The following SMYD3 variants were observed in gnomAD, a reference collection of about 807,000 sequenced individuals.
The protein encoded by SMYD3 is SET and MYND domain containing 3.
In SMYD3, 36 loss-of-function variants were observed where a neutral mutation model predicts 57.7. The observed-to-expected ratio is 0.62, with a 90% confidence interval of 0.48 to 0.82. The LOEUF is 0.82. SMYD3 is among the 40% of genes least tolerant of loss of function. The pLI, the probability that SMYD3 is intolerant of heterozygous loss-of-function variation, is 0.00. For missense variants in SMYD3, 515 were observed against 538.8 expected (o/e 0.96, Z 0.44); for synonymous variants, 211 against 195.0 (o/e 1.08, Z -0.68).
At chr1:246,242,447 T>A (rs909421185) in intron 5 of SMYD3, among the ~76,000 whole-genome samples, 2 of 152,202 alleles carry the variant, frequency 1.3e-5, no homozygotes, top group African/African-American at 2.4e-5. Flanking sequence ...TGCACTATGG[T>A]CTGAGAGACA....
At chr1:246,310,661 CTTTTTTTT>C (rs386370347) in intron 5 of SMYD3, among the ~76,000 whole-genome samples, 6 of 72,222 alleles carry the variant, frequency 8.3e-5, no homozygotes, top group African/African-American at 2.3e-4. Context: ...AAGAGTAAGG[CTTTTTTTT>C]TTTTTTTTTT....
chr1:246,349,248 T>C (rs956043578), intron 2 of SMYD3, among the ~76,000 whole-genome samples: 24 of 152,248 alleles, frequency 1.6e-4, no homozygotes, highest in African/African-American at 5.5e-4. Context: ...TTCAAAAGAC[T>C]GCTAATAGCA....
At chr1:246,127,900 A>AGAAAG (rs1235450895) in intron 5 of SMYD3, among the ~76,000 whole-genome samples, 1 of 148,696 alleles carries the variant, frequency 6.7e-6, no homozygotes, top group South Asian at 2.1e-4. Context: ...TGTCTCAAAA[A>AGAAAG]GAAAAGAAAA....
At position 246,147,066 on chromosome 1, in the gene SMYD3, G is replaced by A. The variant is rs1000664847; in HGVS notation, c.531+180135C>T. Among the ~76,000 whole-genome samples the A allele has an allele frequency of 2.0e-4, 30 of 152,116 alleles. 1 individual carries two copies. The highest frequency in any genetic ancestry group is 7.2e-4 in the African/African-American group (30 of 41,408). On this transcript the variant is annotated intron_variant, in intron 5 of 11. Transcript: ENST00000490107. ...CCCCCTCGCTTCTTGCGTTGGTGGC[G>A]GAAGCACCCGGAGTATTTACAATAC...
chr1:245,953,081 T>C, intron 5 of SMYD3: 1 of 513,922 alleles, frequency 1.9e-6, no homozygotes, highest in Non-Finnish European at 2.6e-6. Flanking sequence ...CATGTGATCA[T>C]GAAATCCCCA....
At chr1:246,481,621 T>TATATATATACACAC (rs1307881494) in intron 1 of SMYD3, among the ~76,000 whole-genome samples, 9 of 98,554 alleles carry the variant, frequency 9.1e-5, no homozygotes, top group East Asian at 7.3e-4. Flanking sequence ...CATACATATA[T>TATATATATACACAC]ACATACATAC....
chr1:246,140,021 G>T (rs1181893919), intron 5 of SMYD3, among the ~76,000 whole-genome samples: 2 of 152,132 alleles, frequency 1.3e-5, no homozygotes, highest in African/African-American at 4.8e-5. Context: ...TGTATTGGTT[G>T]ATCGAAGACA....
chr1:246,457,544 A>AAAG (rs1553351027), intron 1 of SMYD3, among the ~76,000 whole-genome samples: 8 of 87,276 alleles, frequency 9.2e-5, no homozygotes, highest in Admixed American at 2.4e-4. Flanking sequence ...AAAAAAAAAA[A>AAAG]AAAAGAAAAG....
intron 5 of SMYD3, among the ~76,000 whole-genome samples, chr1:245,994,370 G>A (rs2058880509): frequency 6.6e-6 from 1 of 152,204 alleles, no homozygotes; most frequent in Non-Finnish European, 1.5e-5. Flanking sequence ...GGCGTCAGCT[G>A]AGAGGGACGC....
chr1:246,042,703 G>A (rs1288864083), intron 5 of SMYD3, among the ~76,000 whole-genome samples: 1 of 151,932 alleles, frequency 6.6e-6, no homozygotes, highest in African/African-American at 2.4e-5. Flanking sequence ...CACCCTTTTT[G>A]GTAAGTTACC....
intron 1 of SMYD3, among the ~76,000 whole-genome samples, chr1:246,369,168 G>C (rs1490475414): frequency 6.6e-6 from 1 of 152,064 alleles, no homozygotes; most frequent in Non-Finnish European, 1.5e-5. Flanking sequence ...TCACAGAAGT[G>C]CTCGGTAACT....
intron 5 of SMYD3, among the ~76,000 whole-genome samples, chr1:246,063,152 C>T (rs1364953293): frequency 1.3e-5 from 2 of 152,094 alleles, no homozygotes; most frequent in Non-Finnish European, 2.9e-5. Context: ...CAACACCAAG[C>T]GAAGTCAGCA....
chr1:246,033,656 G>A (rs1350802191), intron 5 of SMYD3, among the ~76,000 whole-genome samples: 5 of 152,124 alleles, frequency 3.3e-5, no homozygotes, highest in Non-Finnish European at 7.4e-5. Context: ...GCGTGGTGGC[G>A]CGTGCCTGTA....
At chr1:245,911,176 C>A (rs2054947142) in intron 8 of SMYD3, among the ~76,000 whole-genome samples, 1 of 152,010 alleles carries the variant, frequency 6.6e-6, no homozygotes, top group South Asian at 2.1e-4. Flanking sequence ...GCTATCATCT[C>A]CCCAGTTAAA....
intron 8 of SMYD3, among the ~76,000 whole-genome samples, chr1:245,904,641 A>G (rs1223284871): frequency 1.3e-5 from 2 of 152,146 alleles, no homozygotes; most frequent in Non-Finnish European, 2.9e-5. Flanking sequence ...TTGGCCTCTA[A>G]GTAAACCTGA....
chr1:246,027,632 G>A (rs1220152811), intron 5 of SMYD3, among the ~76,000 whole-genome samples: 1 of 152,158 alleles, frequency 6.6e-6, no homozygotes, highest in East Asian at 1.9e-4. Flanking sequence ...CTACTGCTCA[G>A]GAATAAGATT....
At chr1:245,858,455 G>A in intron 10 of SMYD3, 41 bp downstream of exon 10, 3 of 1,556,970 alleles carry the variant, frequency 1.9e-6, no homozygotes, top group East Asian at 2.3e-5. Context: ...CCAACGTGAA[G>A]ACGTCCTAGC....
rs113522675 is a variant in SMYD3, at chr1:245,871,190, G to C, written c.814-7304C>G. Among the ~76,000 whole-genome samples the C allele has an allele frequency of 3.6e-3, 554 of 152,316 alleles. 5 individuals are homozygous for C. Among genetic ancestry groups the C allele is most frequent in the African/African-American group, 0.013 (527 of 41,554 alleles). The stretch of plus-strand genomic sequence containing the variant: ...GTTCAAATACAGTGTCTGCACTCAA[G>C]AGAGAGATTGGAAAGTCTTGAAATT... On this transcript the variant is annotated intron_variant, in intron 8 of 11. Coordinates refer to ENST00000490107, the MANE Select transcript of SMYD3 (RefSeq NM_001167740.2).
chr1:246,507,003 A>ACCCC, intron 1 of SMYD3, 51 bp downstream of exon 1: 1 of 691,556 alleles, frequency 1.4e-6, no homozygotes, highest in Non-Finnish European at 2.0e-6. Context: ...CCCCCTCCCC[A>ACCCC]GCACCCCACA....
Sources: allele counts gnomAD v4.1 joint callset (sites outside exome capture counted in the v4.1 genomes callset), GRCh38; gene constraint gnomAD v4.1.1; transcripts MANE v1.5; gene names NCBI Gene and HGNC (gene_info 2026-07-23, HGNC 2026-07-21).